MTDH: variants seen among roughly 807,000 people sequenced by gnomAD.
MTDH encodes the protein protein LYRIC.
Under a neutral mutation model 72.7 loss-of-function variants are expected in MTDH, and 34 were observed. The ratio of observed to expected loss-of-function variants is 0.47; its 90% confidence interval spans 0.36 to 0.62. MTDH has a LOEUF of 0.62. Ranked by LOEUF, MTDH falls within the 20% of genes least tolerant of loss-of-function variation. The probability of loss-of-function intolerance (pLI) is 0.00; values close to 1 mark genes in which losing one functional copy is unlikely to be tolerated. For synonymous variants in MTDH, 266 were observed against 268.9 expected (o/e 0.99, Z 0.10); for missense variants, 677 against 699.4 (o/e 0.97, Z 0.36).
chr8:97,719,675 CAG>C (rs1815030039), intron 10 of MTDH, among the ~76,000 whole-genome samples: 1 of 151,970 alleles, frequency 6.6e-6, no homozygotes, highest in African/African-American at 2.4e-5. Context: ...ATAACTTGCC[CAG>C]AGTCATATAA....
intron 1 of MTDH, among the ~76,000 whole-genome samples, chr8:97,650,658 G>C (rs1002879511): frequency 3.9e-5 from 6 of 152,186 alleles, no homozygotes; most frequent in Admixed American, 3.9e-4. Context: ...TCCTCAGCTA[G>C]AGTTATATAT....
intron 7 of MTDH, 103 bp from the exon 8 acceptor site, chr8:97,706,523 T>C (rs1046187297): frequency 1.4e-5 from 16 of 1,136,484 alleles, no homozygotes; most frequent in Admixed American, 5.8e-5. Context: ...GACAGAACAA[T>C]AACTTAAAAT....
chr8:97,645,764 C>T (rs1347621499), intron 1 of MTDH, among the ~76,000 whole-genome samples: 1 of 152,166 alleles, frequency 6.6e-6, no homozygotes. Flanking sequence ...TCCCATGGTT[C>T]TCCCATTATA....
chr8:97,683,781 G>A (rs968721682), intron 2 of MTDH, among the ~76,000 whole-genome samples: 1 of 152,092 alleles, frequency 6.6e-6, no homozygotes, highest in South Asian at 2.1e-4. Flanking sequence ...GTCCAGTATA[G>A]TGGCCACTTG....
chr8:97,697,146 A>ATTTTTTTTTTTT (rs1317264159), intron 6 of MTDH, among the ~76,000 whole-genome samples: 4 of 68,972 alleles, frequency 5.8e-5, no homozygotes, highest in African/African-American at 5.4e-4. Flanking sequence ...ATATATATAT[A>ATTTTTTTTTTTT]TATATTTTTT....
At position 97,644,666 on chromosome 8, in the gene MTDH, G is replaced by A. The variant is rs140652237; in HGVS notation, c.160G>A (p.Val54Met). 8,325 of 1,608,056 alleles carry A rather than the reference G, an allele frequency of 5.2e-3. 38 individuals carry two copies. The highest frequency in any genetic ancestry group is 6.4e-3 in the Non-Finnish European group (7,523 of 1,178,518). ...PKRYPGWVIL[V>M]GTGALGLLLL... Reference sequence around the variant, plus strand: ...ACGGTACCCCGGCTGGGTGATCCTGGTGGGCACTGGCGCGCTCGGGCTGCT... The same window carrying A: ...ACGGTACCCCGGCTGGGTGATCCTGATGGGCACTGGCGCGCTCGGGCTGCT... The change falls in exon 1 of 12, where the codon GTG becomes ATG. Residue 54 changes from valine (V) to methionine (M), a missense_variant. Coordinates refer to ENST00000336273, the MANE Select transcript of MTDH (RefSeq NM_178812.4).
rs1397976164 is a variant in MTDH, at chr8:97,723,163, C to T, written c.1678+128C>T. ...CCTGTAATCCCAGCACTTTGGGAGG[C>T]CGAGGCGGGCAGATCACGAGGTCAG... On this transcript the variant is annotated intron_variant, in intron 11 of 11. Coordinates refer to ENST00000336273, the MANE Select transcript of MTDH (RefSeq NM_178812.4). 8.2e-6 allele frequency: 7 copies of T among 856,604 alleles called. No homozygotes were observed. The South Asian group carries it at 1.6e-4, about 20-fold the overall frequency. The allele number at this position is 856,604 out of a possible 1,614,324, so 53.1% of individuals were successfully genotyped here. A position where few individuals can be genotyped will look rare whatever the true frequency, so the allele number is the denominator to read the frequency against.
rs1009236497 is a variant in MTDH, at chr8:97,644,380, G to GC, written c.-126dup. 2 of 1,302,584 alleles carry GC rather than the reference G, an allele frequency of 1.5e-6. No homozygotes were observed. The allele number at this position is 1,302,584 out of a possible 1,614,324, so 80.7% of individuals were successfully genotyped here. A position where few individuals can be genotyped will look rare whatever the true frequency, so the allele number is the denominator to read the frequency against. On this transcript the variant is annotated 5_prime_UTR_variant, in exon 1 of 12. Transcript: ENST00000336273. The stretch of plus-strand genomic sequence containing the variant: ...GCAGCGGCCGATCCCCGGCTCCGGC[G>GC]CGAGGGACGGCCGCGATGCGCTCGG...
intron 2 of MTDH, among the ~76,000 whole-genome samples, chr8:97,662,485 G>A (rs981117899): frequency 6.6e-6 from 1 of 151,430 alleles, no homozygotes; most frequent in African/African-American, 2.4e-5. Context: ...TGGAATAGTG[G>A]TATGAAATGG....
At chr8:97,670,361 G>A (rs1301922269) in intron 2 of MTDH, among the ~76,000 whole-genome samples, 2 of 152,130 alleles carry the variant, frequency 1.3e-5, no homozygotes, top group Non-Finnish European at 2.9e-5. Flanking sequence ...GCTCGTGCCT[G>A]TAATTCCAGC....
chr8:97,675,939 G>T (rs1383505410), intron 2 of MTDH, among the ~76,000 whole-genome samples: 3 of 105,814 alleles, frequency 2.8e-5, no homozygotes, highest in Non-Finnish European at 5.6e-5. Flanking sequence ...TTGCAAATAG[G>T]TTTTTTTTTT....
chr8:97,680,796 A>G (rs1002785673), intron 2 of MTDH, among the ~76,000 whole-genome samples: 12 of 152,340 alleles, frequency 7.9e-5, no homozygotes, highest in African/African-American at 2.2e-4. Flanking sequence ...GCTAATTTCA[A>G]ATGCTAGACA....
chr8:97,680,352 C>T (rs1265224990), intron 2 of MTDH, among the ~76,000 whole-genome samples: 1 of 152,174 alleles, frequency 6.6e-6, no homozygotes, highest in Non-Finnish European at 1.5e-5. Flanking sequence ...GGATTACAAG[C>T]ATGTACCACC....
chr8:97,716,515 C>T (rs1387510673), intron 9 of MTDH, among the ~76,000 whole-genome samples: 3 of 152,050 alleles, frequency 2.0e-5, no homozygotes, highest in Non-Finnish European at 4.4e-5. Context: ...TGGTGAAACC[C>T]CGTCTCTACT....
chr8:97,687,734 C>T (rs182375779), intron 4 of MTDH, 129 bp downstream of exon 4: 10 of 749,524 alleles, frequency 1.3e-5, no homozygotes, highest in Non-Finnish European at 2.0e-5. Context: ...TACCCTTCTT[C>T]ATGAGAGTAT....
intron 1 of MTDH, among the ~76,000 whole-genome samples, chr8:97,653,111 C>T (rs1811838773): frequency 6.7e-6 from 1 of 150,044 alleles, no homozygotes; most frequent in South Asian, 2.1e-4. Flanking sequence ...GAGCGAGACT[C>T]TGTCTCAAAA....
chr8:97,710,725 C>A (rs376815481), intron 8 of MTDH, among the ~76,000 whole-genome samples: 5 of 145,650 alleles, frequency 3.4e-5, no homozygotes, highest in Non-Finnish European at 7.5e-5. Context: ...TAAGGCCGGG[C>A]GCGGTGGTTC....
chr8:97,685,860 C>T (rs765036811), intron 2 of MTDH, among the ~76,000 whole-genome samples: 8 of 151,712 alleles, frequency 5.3e-5, no homozygotes, highest in Non-Finnish European at 1.0e-4. Flanking sequence ...ATTTTATAAA[C>T]GTTAATTCTC....
At chr8:97,678,986 T>G (rs768335147) in intron 2 of MTDH, among the ~76,000 whole-genome samples, 3 of 152,172 alleles carry the variant, frequency 2.0e-5, no homozygotes, top group Non-Finnish European at 2.9e-5. Context: ...CGTTTGTACG[T>G]TAGATGTGAA....
Sources: gnomAD v4.1 joint callset for allele counts (sites outside exome capture counted in the v4.1 genomes callset) on GRCh38, gnomAD v4.1.1 for gene constraint, MANE v1.5 for transcripts, NCBI Gene and HGNC (gene_info 2026-07-23, HGNC 2026-07-21) for gene names.